The following SHD variants were observed in gnomAD, a reference collection of about 807,000 sequenced individuals.
SHD encodes Src homology 2 domain containing transforming protein D.
SHD carries 29 observed loss-of-function variants against 31.2 expected under a neutral mutation model. The ratio of observed to expected loss-of-function variants is 0.93; its 90% CI spans 0.69 to 1.27. SHD has a LOEUF of 1.27. Among genes scored for constraint, SHD ranks in the 50% most tolerant of loss-of-function variants. SHD has a pLI of 0.00. For synonymous variants in SHD, 208 were observed against 187.8 expected, an observed-to-expected ratio of 1.11 and a Z score of -0.88; for missense variants, 520 against 453.8, an observed-to-expected ratio of 1.15 and a Z score of -1.33.
intron 5 of SHD, among the ~76,000 whole-genome samples, chr19:4,289,333 G>A (rs547741261): frequency 1.3e-5 from 2 of 149,158 alleles, no homozygotes; most frequent in African/African-American, 2.5e-5. Flanking sequence ...GGATGGTCTC[G>A]ATCTCCTGAC....
chr19:4,288,440 G>C, intron 5 of SHD, 78 bp downstream of exon 5: 3 of 1,484,640 alleles, frequency 2.0e-6, no homozygotes, highest in Non-Finnish European at 2.7e-6. Context: ...AGAGGGAAGG[G>C]GAGGGTGTGG....
intron 4 of SHD, among the ~76,000 whole-genome samples, chr19:4,285,811 G>A (rs140876013): frequency 1.4e-3 from 209 of 150,596 alleles, no homozygotes; most frequent in African/African-American, 4.6e-3. Context: ...GCCTCCCAAA[G>A]TGCTGGGATT....
intron 5 of SHD, 71 bp downstream of exon 5, chr19:4,288,433 G>C (rs1210357001): frequency 6.7e-7 from 1 of 1,499,700 alleles, no homozygotes; most frequent in Non-Finnish European, 9.0e-7. Context: ...TTAATTCAGA[G>C]GGAAGGGGAG....
In SHD at chr19:4,288,376, C is replaced by T. The variant is rs1292275678; in HGVS notation, c.836+14C>T. ...CTTGTCTCTCAGGTGAGAACTCAGCCTCACAGGGACGAAGGGTCACAGGAT... is the reference window on the plus strand; with the variant it reads ...CTTGTCTCTCAGGTGAGAACTCAGCTTCACAGGGACGAAGGGTCACAGGAT... On this transcript the variant is annotated intron_variant, in intron 5 of 5. Transcript: ENST00000543264. 2 of 1,609,770 alleles carry T rather than the reference C, an allele frequency of 1.2e-6. No individual in the cohort carries two copies. Among genetic ancestry groups the T allele is most frequent in the Non-Finnish European group, 1.7e-6 (2 of 1,177,994 alleles).
At chr19:4,288,499 A>T in intron 5 of SHD, 137 bp downstream of exon 5, 20 of 847,886 alleles carry the variant, frequency 2.4e-5, no homozygotes, top group East Asian at 3.9e-5. Flanking sequence ...TGGGACTTCT[A>T]GGAGAAGGGG....
Position 4,290,427 on chromosome 19 carries a change from C to T in SHD, c.837-20C>T. The T allele has an allele frequency of 1.2e-6, 2 of 1,601,616 alleles. No individual in the cohort carries two copies. The highest frequency in any genetic ancestry group is 1.1e-5 in the South Asian group (1 of 89,204). On this transcript the variant is annotated intron_variant, in intron 5 of 5. Transcript: ENST00000543264. The stretch of plus-strand genomic sequence containing the variant: ...GTGGGTCCGGGATGCTCAGGAGTCC[C>T]TTTCTCCCTCATCGCCCAGGAGCAG...
chr19:4,282,367 C>T (rs1971264492), intron 1 of SHD, among the ~76,000 whole-genome samples: 1 of 151,928 alleles, frequency 6.6e-6, no homozygotes, highest in Non-Finnish European at 1.5e-5. Context: ...TTGCAGTGAG[C>T]CGAGATCACA....
intron 1 of SHD, among the ~76,000 whole-genome samples, chr19:4,280,949 C>G (rs1199926423): frequency 6.6e-6 from 1 of 152,000 alleles, no homozygotes; most frequent in Non-Finnish European, 1.5e-5. Context: ...GCCCCCTCCC[C>G]TCAGCACCCC....
intron 4 of SHD, among the ~76,000 whole-genome samples, chr19:4,286,277 TTC>T (rs1971315260): frequency 8.7e-6 from 1 of 114,566 alleles, no homozygotes; most frequent in Admixed American, 9.3e-5. Context: ...CTTTCTTTCT[TTC>T]TTTTTTTCTT....
chr19:4,281,871 C>A (rs1276870850), intron 1 of SHD, among the ~76,000 whole-genome samples: 1 of 152,176 alleles, frequency 6.6e-6, no homozygotes, highest in Non-Finnish European at 1.5e-5. Context: ...TGTCCCTAAG[C>A]AAAACACTTA....
chr19:4,279,957 C>A lies in SHD; in HGVS notation c.-107C>A. 2 of 1,329,720 alleles carry A rather than the reference C, an allele frequency of 1.5e-6. No homozygotes were observed. Among genetic ancestry groups the A allele is most frequent in the Non-Finnish European group, 2.0e-6 (2 of 987,338 alleles). 82.4% of individuals were successfully genotyped at this position (1,329,720 alleles called of 1,614,324 possible). On this transcript the variant is annotated 5_prime_UTR_variant, in exon 1 of 6. Coordinates refer to ENST00000543264, the MANE Select transcript of SHD (RefSeq NM_020209.4). This position sits in a 1 kb window ranked among gnomAD's most constrained non-coding sequence, Gnocchi z 7.5. ...ACCTGATCTTTCTCATCCTTCCCTG[C>A]TCTTCCCTTCCTCTCCACCTCCTCC...
chr19:4,283,586 C>A (rs550644331), intron 3 of SHD, among the ~76,000 whole-genome samples: 1 of 151,308 alleles, frequency 6.6e-6, no homozygotes. Flanking sequence ...ATTTTTCTTT[C>A]GTTTTTCTTC....
At position 4,288,305 on chromosome 19, in the gene SHD, G is replaced by A; in HGVS notation, c.779G>A (p.Gly260Asp). ...AGCCTCCTGTCCCTCTGCAAGGAAGGCAGCTACCTAGTGCGGCTCAGTGAG... is the reference window on the plus strand; with the variant it reads ...AGCCTCCTGTCCCTCTGCAAGGAAGACAGCTACCTAGTGCGGCTCAGTGAG... The part of the protein sequence containing the change: ...AESLLSLCKE[G>D]SYLVRLSETN... Residue 260 changes from glycine (G) to aspartate (D), a missense_variant, in exon 5 of 6, where the codon GGC becomes GAC. Transcript: ENST00000543264. 1.9e-6 allele frequency: 3 copies of A among 1,613,990 alleles called. No homozygotes were observed. The highest frequency in any genetic ancestry group is 2.5e-6 in the Non-Finnish European group (3 of 1,179,946).
intron 3 of SHD, 106 bp from the exon 4 acceptor site, chr19:4,284,675 T>C: frequency 7.5e-7 from 1 of 1,330,148 alleles, no homozygotes. Flanking sequence ...TGATAGGTTG[T>C]CCCAAGCTGG....
intron 4 of SHD, among the ~76,000 whole-genome samples, chr19:4,286,318 ACCTTCCTT>A (rs1198443793): frequency 1.1e-4 from 9 of 80,622 alleles, no homozygotes; most frequent in Non-Finnish European, 1.6e-4. Flanking sequence ...CTTCCTTCCT[ACCTTCCTT>A]CCTTCCTTCC....
chr19:4,284,769 T>C lies in SHD; in HGVS notation c.593-12T>C, dbSNP rs1971291056. 1.3e-6 allele frequency: 2 copies of C among 1,579,012 alleles called. No individual in the cohort carries two copies. The highest frequency in any genetic ancestry group is 1.1e-5 in the South Asian group (1 of 87,244). On this transcript the variant is annotated splice_polypyrimidine_tract_variant and intron_variant, in intron 3 of 5. Transcript: ENST00000543264. ...TGGACTTAACCCTTTCCTCTCTAAA[T>C]CTCCTTTCCAGTGCAGTTTGACAGT...
At chr19:4,288,891 T>C (rs1359989704) in intron 5 of SHD, among the ~76,000 whole-genome samples, 1 of 152,002 alleles carries the variant, frequency 6.6e-6, no homozygotes, top group Admixed American at 6.6e-5. Context: ...ATCCCAGCAC[T>C]TTGGAAGGCT....
intron 4 of SHD, among the ~76,000 whole-genome samples, chr19:4,285,605 A>T (rs1472142521): frequency 6.8e-6 from 1 of 147,880 alleles, no homozygotes; most frequent in Admixed American, 6.7e-5. Flanking sequence ...GCTGGAGTGC[A>T]GTGACGCGAC....
chr19:4,280,440 T>C, intron 1 of SHD, 80 bp downstream of exon 1: 1 of 1,432,814 alleles, frequency 7.0e-7, no homozygotes, highest in Non-Finnish European at 9.2e-7. Context: ...GAGCTTATTT[T>C]ATGTGTGATC....
Sources: gnomAD v4.1 joint callset for allele counts (sites outside exome capture counted in the v4.1 genomes callset) on GRCh38, gnomAD v4.1.1 for gene constraint, Gnocchi (gnomAD v3.1) non-coding constraint, MANE v1.5 for transcripts, NCBI Gene and HGNC (gene_info 2026-07-23, HGNC 2026-07-21) for gene names.